Variants in LZTR1 observed in about 807,000 individuals in gnomAD.
LZTR1 encodes the protein leucine-zipper-like transcriptional regulator 1.
Under a neutral mutation model 105.7 loss-of-function variants are expected in LZTR1, and 260 were observed. That is an observed-to-expected ratio of 2.46 (90% CI 2.22 to 2.72). LZTR1 has a LOEUF of 2.72. Ranked by LOEUF, LZTR1 falls within the 30% of genes most tolerant of loss-of-function variation. The pLI, the probability that LZTR1 is intolerant of heterozygous loss-of-function variation, is 0.00. For synonymous variants in LZTR1, 490 were observed against 476.4 expected, an observed-to-expected ratio of 1.03 and a Z score of -0.37; for missense variants, 1,214 against 1,166.9, an observed-to-expected ratio of 1.04 and a Z score of -0.59.
rs749506086 is a variant in LZTR1 at position 20,993,701 on chromosome 22, G to A, written c.1300G>A (p.Gly434Arg). ...YPKCTLHEDY[G>R]RLWESRQFCD... Reference sequence around the variant, plus strand: ...TAAATGCACGCTGCACGAGGACTACGGGCGGCTGTGGGAGAGCCGCCAGTT... The same window carrying A: ...TAAATGCACGCTGCACGAGGACTACAGGCGGCTGTGGGAGAGCCGCCAGTT... Residue 434 changes from glycine to arginine, a missense_variant, in exon 12 of 21, where the codon GGG becomes AGG. Physicochemically the swap from Gly to Arg is moderately radical, Grantham distance 125 (BLOSUM62 -2). Coordinates refer to ENST00000646124, the MANE Select transcript of LZTR1 (RefSeq NM_006767.4). 28 of 1,613,476 alleles carry A rather than the reference G, an allele frequency of 1.7e-5. No homozygotes were observed. The South Asian group carries it at 2.2e-4, about 13-fold the overall frequency.
rs556728895 is a variant in LZTR1, at chr22:20,997,572, C to T, written c.*224C>T. The stretch of plus-strand genomic sequence containing the variant: ...AGGGAGCGGATGATGAAGCAGACCC[C>T]CTCCTGTCATCACCCTCTCCTGGTG... On this transcript the variant is annotated 3_prime_UTR_variant, in exon 21 of 21. Transcript: ENST00000646124. 25 of 506,296 alleles carry T rather than the reference C, an allele frequency of 4.9e-5. No homozygotes were observed. Among genetic ancestry groups the T allele is most frequent in the Admixed American group, 1.9e-4 (6 of 30,770 alleles). The allele number at this position is 506,296 out of a possible 1,614,324, so 31.4% of individuals were successfully genotyped here. A position where few individuals can be genotyped will look rare whatever the true frequency, so the allele number is the denominator to read the frequency against.
At chr22:20,990,363 T>G in intron 7 of LZTR1, 23 bp from the exon 8 acceptor site, 1 of 1,613,832 alleles carries the variant, frequency 6.2e-7, no homozygotes, top group African/African-American at 1.3e-5. Flanking sequence ...AGGCCGGGGC[T>G]GAGCTGTCCT....
At chr22:20,995,897 G>A in intron 17 of LZTR1, 25 bp downstream of exon 17, 2 of 1,612,914 alleles carry the variant, frequency 1.2e-6, no homozygotes, top group Non-Finnish European at 1.7e-6. Context: ...GACAGGAGGG[G>A]AGGGTGGGCC....
intron 2 of LZTR1, among the ~76,000 whole-genome samples, chr22:20,984,650 T>C (rs1924315520): frequency 6.6e-6 from 1 of 151,540 alleles, no homozygotes; most frequent in Admixed American, 6.6e-5. Context: ...CACCAGCTTC[T>C]AGGCTCCTGG....
chr22:20,996,199 C>G, intron 18 of LZTR1, 87 bp downstream of exon 18: 1 of 1,441,186 alleles, frequency 6.9e-7, no homozygotes, highest in Non-Finnish European at 9.5e-7. Flanking sequence ...GCTCTCCTGC[C>G]CCAGCTAGGT....
chr22:20,994,539 CG>C lies in LZTR1; in HGVS notation c.1616-14del. 1.2e-6 allele frequency: 2 copies of C among 1,603,872 alleles called. No homozygotes were observed. On this transcript the variant is annotated intron_variant, in intron 14 of 20. Coordinates refer to ENST00000646124, the MANE Select transcript of LZTR1 (RefSeq NM_006767.4). ...CTCCCCTCTCCGGCTCCCTGAGATT[CG>C]GGGGCTCTGGGGCGCAGGCCATGTG...
chr22:20,989,601 C>A, intron 6 of LZTR1, 24 bp from the exon 7 acceptor site: 1 of 1,608,264 alleles, frequency 6.2e-7, no homozygotes, highest in Non-Finnish European at 8.5e-7. Flanking sequence ...CCCAAGGGGT[C>A]CTCACTGGTC....
At chr22:20,994,488 G>T in intron 14 of LZTR1, 70 bp from the exon 15 acceptor site, 1 of 1,520,766 alleles carries the variant, frequency 6.6e-7, no homozygotes, top group Non-Finnish European at 9.0e-7. Context: ...CTTCCATGGG[G>T]GGAGCCCTGC....
intron 5 of LZTR1, 81 bp from the exon 6 acceptor site, chr22:20,988,708 C>T: frequency 3.0e-6 from 3 of 999,042 alleles, no homozygotes; most frequent in Non-Finnish European, 4.8e-6. Context: ...GGCTGTGGCC[C>T]CTGCACTGAC....
chr22:20,991,511 G>T, intron 8 of LZTR1, 117 bp from the exon 9 acceptor site: 1 of 796,762 alleles, frequency 1.3e-6, no homozygotes, highest in Non-Finnish European at 2.0e-6. Context: ...TCTGGACCCT[G>T]GGCTAGTCAC....
intron 2 of LZTR1, among the ~76,000 whole-genome samples, chr22:20,984,619 G>T (rs1190966365): frequency 1.3e-5 from 2 of 149,798 alleles, no homozygotes; most frequent in South Asian, 2.1e-4. Context: ...AAGGAGGGGG[G>T]GGGGGCGGTA....
chr22:20,982,958 T>G (rs946269277), intron 1 of LZTR1, 69 bp from the exon 2 acceptor site: 1 of 1,322,382 alleles, frequency 7.6e-7, no homozygotes, highest in African/African-American at 1.4e-5. Context: ...GCTCTCCTGC[T>G]TAGTCCCATT....
At position 20,982,425 on chromosome 22, in the gene LZTR1, C is replaced by G. The variant is rs371007598; in HGVS notation, c.54C>G (p.Gly18=). 9.5e-5 allele frequency: 150 copies of G among 1,575,612 alleles called. No homozygotes were observed. Among genetic ancestry groups the G allele is most frequent in the Middle Eastern group, 8.3e-4 (5 of 6,044 alleles). Residue 18 remains glycine (G), a synonymous_variant, in exon 1 of 21, where the codon GGC becomes GGG. Coordinates refer to ENST00000646124, the MANE Select transcript of LZTR1 (RefSeq NM_006767.4). The stretch of plus-strand genomic sequence containing the variant: ...AGATCGGGGCTGCGGCCCTGGCAGG[C>G]GGCGCGCGGTCCAAGGTAGCCCCGA... ...GGQIGAAALA[G]GARSKVAPSV...
intron 1 of LZTR1, 123 bp downstream of exon 1, chr22:20,982,694 T>C: frequency 1.0e-6 from 1 of 954,622 alleles, no homozygotes; most frequent in Non-Finnish European, 1.6e-6. Context: ...AGGTGGATGG[T>C]GCTGTACAGG....
At chr22:20,992,449 A>C (rs1569156350) in intron 10 of LZTR1, 80 bp downstream of exon 10, 4 of 1,422,546 alleles carry the variant, frequency 2.8e-6, no homozygotes, top group Non-Finnish European at 9.5e-7. Flanking sequence ...ACATGGGGAG[A>C]CTGAGGCCCC....
chr22:20,995,085 G>A, intron 16 of LZTR1, 59 bp downstream of exon 16: 8 of 1,547,816 alleles, frequency 5.2e-6, no homozygotes, highest in Non-Finnish European at 7.0e-6. Context: ...ATCTGCGGTA[G>A]GAGATTGGGA....
rs570948606 is a variant in LZTR1, at chr22:20,996,054, G to A, written c.2161G>A (p.Glu721Lys). ...GEMVPSRQAF[E>K]SMLRYIYYGE... Reference sequence around the variant, plus strand: ...GATGGTGCCCAGCAGGCAGGCCTTCGAGTCCATGCTGCGCTACATCTACTA... The same window carrying A: ...GATGGTGCCCAGCAGGCAGGCCTTCAAGTCCATGCTGCGCTACATCTACTA... The change falls in exon 18 of 21, where the codon GAG becomes AAG. Residue 721 changes from glutamate to lysine, a missense_variant. Transcript: ENST00000646124. 4.3e-6 allele frequency: 7 copies of A among 1,613,320 alleles called. No individual in the cohort carries two copies. The highest frequency in any genetic ancestry group is 1.7e-5 in the Admixed American group (1 of 60,002).
rs1924231421 is a variant in LZTR1, at chr22:20,982,506, C to T, written c.135C>T (p.Phe45=). The T allele has an allele frequency of 1.2e-6, 2 of 1,612,872 alleles. No homozygotes were observed. The highest frequency in any genetic ancestry group is 2.2e-5 in the East Asian group (1 of 44,878). The part of the protein sequence containing the change: ...SDSVEYLTLN[F]GPFETVHRWR... ...GTGTCGAGTACCTGACGCTCAACTTCGGGCCCTTCGAAACAGTGCATCGCT... is the reference window on the plus strand; with the variant it reads ...GTGTCGAGTACCTGACGCTCAACTTTGGGCCCTTCGAAACAGTGCATCGCT... Residue 45 remains phenylalanine (F), a synonymous_variant, in exon 1 of 21, where the codon TTC becomes TTT. Transcript: ENST00000646124.
chr22:20,988,469 C>CA (rs1298638680), intron 5 of LZTR1, among the ~76,000 whole-genome samples: 1 of 152,110 alleles, frequency 6.6e-6, no homozygotes, highest in Non-Finnish European at 1.5e-5. Context: ...GACCTTGTCA[C>CA]AAAAAAATGT....
Sources: gnomAD v4.1 joint callset for allele counts (sites outside exome capture counted in the v4.1 genomes callset) on GRCh38, gnomAD v4.1.1 for gene constraint, MANE v1.5 for transcripts, NCBI Gene and HGNC (gene_info 2026-07-23, HGNC 2026-07-21) for gene names.